AUTS2: variants seen among roughly 807,000 people sequenced by gnomAD.
The protein encoded by AUTS2 is activator of transcription and developmental regulator AUTS2.
Under a neutral mutation model 112.4 loss-of-function variants are expected in AUTS2, and 17 were observed. The observed-to-expected ratio is 0.15, with a 90% CI of 0.10 to 0.23. The LOEUF (loss-of-function observed/expected upper bound fraction) is 0.23, where lower values mean the gene tolerates loss of function less well. Among genes scored for constraint, AUTS2 ranks in the 10% least tolerant of loss-of-function variants. The probability of loss-of-function intolerance (pLI) is 1.00; values close to 1 mark genes in which losing one functional copy is unlikely to be tolerated. For synonymous variants in AUTS2, 751 were observed against 702.7 expected, an observed-to-expected ratio of 1.07 and a Z score of -1.09; for missense variants, 1,510 against 1,701.6, an observed-to-expected ratio of 0.89 and a Z score of 1.98.
At chr7:70,686,057 C>A (rs979398912) in intron 5 of AUTS2, among the ~76,000 whole-genome samples, 1 of 152,214 alleles carries the variant, frequency 6.6e-6, no homozygotes, top group Non-Finnish European at 1.5e-5. Context: ...ATAGTAAGCT[C>A]CTGTCTGGGA....
chr7:70,298,177 G>A (rs993253362), intron 4 of AUTS2, among the ~76,000 whole-genome samples: 2 of 151,734 alleles, frequency 1.3e-5, no homozygotes, highest in Non-Finnish European at 2.9e-5. Context: ...GATTACAGGC[G>A]GCCACCACCA....
chr7:70,134,634 A>G, intron 4 of AUTS2, 63 bp downstream of exon 4: 1 of 1,445,770 alleles, frequency 6.9e-7, no homozygotes, highest in South Asian at 1.1e-5. Flanking sequence ...TCTATAATGA[A>G]TGCTCATTGG....
At chr7:69,761,380 T>A (rs1788178234) in intron 1 of AUTS2, among the ~76,000 whole-genome samples, 1 of 152,184 alleles carries the variant, frequency 6.6e-6, no homozygotes. Context: ...ACATACAGCT[T>A]GTTATTAAGG....
intron 2 of AUTS2, among the ~76,000 whole-genome samples, chr7:69,974,120 A>G (rs1797964766): frequency 6.6e-6 from 1 of 151,730 alleles, no homozygotes; most frequent in Non-Finnish European, 1.5e-5. Context: ...TTATTGGGCT[A>G]CTTAAATTAC....
chr7:70,110,806 A>G (rs2129571288), intron 2 of AUTS2, among the ~76,000 whole-genome samples: 1 of 150,106 alleles, frequency 6.7e-6, no homozygotes, highest in South Asian at 2.1e-4. Context: ...TAATTGCATT[A>G]GAGTGACTTT....
At chr7:70,626,520 CCA>C (rs1021409321) in intron 5 of AUTS2, among the ~76,000 whole-genome samples, 1 of 151,438 alleles carries the variant, frequency 6.6e-6, no homozygotes, top group African/African-American at 2.4e-5. Flanking sequence ...TAAAAAATTT[CCA>C]CTTTTATTTT....
chr7:70,613,512 C>T, intron 5 of AUTS2, among the ~76,000 whole-genome samples: 1 of 152,088 alleles, frequency 6.6e-6, no homozygotes, highest in East Asian at 1.9e-4. Flanking sequence ...TCCCTCCTCC[C>T]AGGCTGGGGA....
intron 2 of AUTS2, among the ~76,000 whole-genome samples, chr7:70,046,060 A>G (rs1392939553): frequency 2.0e-5 from 3 of 152,210 alleles, no homozygotes; most frequent in Non-Finnish European, 4.4e-5. Context: ...CTGATAAAAT[A>G]TTAATAACCA....
chr7:70,497,350 G>C (rs3094896), intron 5 of AUTS2, among the ~76,000 whole-genome samples: 81,664 of 151,796 alleles, frequency 0.54, 23,197 homozygotes, highest in African/African-American at 0.71. Context: ...CAGTCGCACA[G>C]ACACACAATC....
intron 1 of AUTS2, among the ~76,000 whole-genome samples, chr7:69,669,198 A>G (rs1796203802): frequency 6.6e-6 from 1 of 152,196 alleles, no homozygotes; most frequent in African/African-American, 2.4e-5. Context: ...AGAAAATGTT[A>G]TCAGTAATCC....
intron 1 of AUTS2, among the ~76,000 whole-genome samples, chr7:69,612,270 A>C (rs1464648879): frequency 6.6e-6 from 1 of 151,850 alleles, no homozygotes; most frequent in East Asian, 1.9e-4. Flanking sequence ...CACCTGAAGG[A>C]GTTTTTTGAA....
At chr7:70,086,431 C>T (rs1562677435) in intron 2 of AUTS2, among the ~76,000 whole-genome samples, 1 of 152,020 alleles carries the variant, frequency 6.6e-6, no homozygotes, top group African/African-American at 2.4e-5. Flanking sequence ...CACCTGAGGT[C>T]AGGAGTTCAA....
chr7:69,718,968 C>T (rs1487775044), intron 1 of AUTS2, among the ~76,000 whole-genome samples: 1 of 151,600 alleles, frequency 6.6e-6, no homozygotes, highest in Non-Finnish European at 1.5e-5. Context: ...TCCCAGTGTT[C>T]AAGGAAGCTA....
chr7:70,159,359 A>C (rs2129577200), intron 4 of AUTS2, among the ~76,000 whole-genome samples: 1 of 152,334 alleles, frequency 6.6e-6, no homozygotes, highest in Admixed American at 6.5e-5. Context: ...TGTGAAATAC[A>C]TGTGGTTAAA....
intron 4 of AUTS2, among the ~76,000 whole-genome samples, chr7:70,322,937 T>G (rs1436690210): frequency 3.3e-5 from 5 of 152,228 alleles, no homozygotes; most frequent in Non-Finnish European, 7.3e-5. Context: ...ACTTTACATG[T>G]GTTGCCTTCC....
At chr7:69,877,202 T>G (rs1203295796) in intron 1 of AUTS2, among the ~76,000 whole-genome samples, 1 of 152,204 alleles carries the variant, frequency 6.6e-6, no homozygotes, top group African/African-American at 2.4e-5. Context: ...TGTCAATGAA[T>G]CAGTTAGTGA....
At chr7:70,548,902 T>C (rs538101376) in intron 5 of AUTS2, among the ~76,000 whole-genome samples, 1 of 148,252 alleles carries the variant, frequency 6.7e-6, no homozygotes, top group African/African-American at 2.5e-5. Context: ...ATATACATTT[T>C]AGGATCATCT....
intron 5 of AUTS2, among the ~76,000 whole-genome samples, chr7:70,595,510 G>A (rs1315605592): frequency 6.6e-6 from 1 of 151,652 alleles, no homozygotes; most frequent in Non-Finnish European, 1.5e-5. Flanking sequence ...GCACTGCTGT[G>A]TATTCCTGGG....
intron 2 of AUTS2, among the ~76,000 whole-genome samples, chr7:69,998,918 G>A (rs186643746): frequency 6.6e-6 from 1 of 152,284 alleles, no homozygotes; most frequent in Non-Finnish European, 1.5e-5. Context: ...CTATGTGGAT[G>A]TCTAGGAAGA....
Sources: gnomAD v4.1 joint callset for allele counts (sites outside exome capture counted in the v4.1 genomes callset) on GRCh38, gnomAD v4.1.1 for gene constraint, MANE v1.5 for transcripts, NCBI Gene and HGNC (gene_info 2026-07-23, HGNC 2026-07-21) for gene names.